The following CLCA2 variants were observed in gnomAD, a reference collection of about 807,000 sequenced individuals.
CLCA2 encodes the protein chloride channel accessory 2.
Under a neutral mutation model 82.9 loss-of-function variants are expected in CLCA2, and 85 were observed. That is an observed-to-expected ratio of 1.03 (90% CI 0.86 to 1.23). The LOEUF (loss-of-function observed/expected upper bound fraction) is 1.23. Ranked by LOEUF, CLCA2 falls within the 50% of genes most tolerant of loss-of-function variation. The probability of loss-of-function intolerance (pLI) is 0.00; values close to 1 mark genes in which losing one functional copy is unlikely to be tolerated. For synonymous variants in CLCA2, 421 were observed against 391.7 expected (o/e 1.07, Z -0.88); for missense variants, 1,089 against 1,124.8 (o/e 0.97, Z 0.45).
Position 86,440,330 on chromosome 1 carries a change from T to C in CLCA2, c.1381+5T>C. 6.2e-7 allele frequency: 1 copy of C among 1,610,368 alleles called. No homozygotes were observed. The highest frequency in any genetic ancestry group is 8.5e-7 in the Non-Finnish European group (1 of 1,178,424). ...AGGAATTATCACGTCTTACAGGTAATAAACTTTTAAAAACTTATCTTTTGG... is the reference window on the plus strand; with the variant it reads ...AGGAATTATCACGTCTTACAGGTAACAAACTTTTAAAAACTTATCTTTTGG... On this transcript the variant is annotated splice_donor_5th_base_variant and intron_variant, in intron 8 of 13. Coordinates refer to ENST00000370565, the MANE Select transcript of CLCA2 (RefSeq NM_006536.7).
At chr1:86,430,234 G>A (rs944753395) in intron 3 of CLCA2, among the ~76,000 whole-genome samples, 1 of 152,146 alleles carries the variant, frequency 6.6e-6, no homozygotes, top group Admixed American at 6.6e-5. Context: ...TCATGCAGAG[G>A]ATGGGGGTTT....
intron 9 of CLCA2, among the ~76,000 whole-genome samples, 171 bp downstream of exon 9, chr1:86,441,714 G>A (rs17129169): frequency 0.036 from 5,530 of 152,304 alleles, 165 homozygotes; most frequent in African/African-American, 0.074. Flanking sequence ...CAGGCTTTCA[G>A]CCCTAGGAGC....
Position 86,450,600 on chromosome 1 carries a change from G to A in CLCA2, c.2022G>A (p.Arg674=). The A allele has an allele frequency of 6.2e-7, 1 of 1,612,806 alleles. No homozygotes were observed. Among genetic ancestry groups the A allele is most frequent in the South Asian group, 1.1e-5 (1 of 90,796 alleles). ...DVIKNDGIYS[R]YFFSFAANGR... is the part of the protein sequence containing the mutation. ...TAAAAAATGATGGAATTTACTCGAG[G>A]TATTTTTTCTCCTTTGCTGCAAATG... The change falls in exon 12 of 14, where the codon AGG becomes AGA. Residue 674 remains arginine (R), a synonymous_variant. Coordinates refer to ENST00000370565, the MANE Select transcript of CLCA2 (RefSeq NM_006536.7).
At chr1:86,447,007 T>G (rs1388285580) in intron 10 of CLCA2, among the ~76,000 whole-genome samples, 6 of 152,334 alleles carry the variant, frequency 3.9e-5, no homozygotes, top group African/African-American at 1.4e-4. Flanking sequence ...TTGAGATTTC[T>G]GAGTGTGGAG....
At chr1:86,440,900 C>CA (rs1662717336) in intron 8 of CLCA2, among the ~76,000 whole-genome samples, 1 of 151,718 alleles carries the variant, frequency 6.6e-6, no homozygotes, top group East Asian at 1.9e-4. Flanking sequence ...GACCCCATCT[C>CA]AAAAAAGAAA....
chr1:86,437,441 G>T (rs1662636552), intron 6 of CLCA2, among the ~76,000 whole-genome samples: 1 of 152,140 alleles, frequency 6.6e-6, no homozygotes, highest in Admixed American at 6.5e-5. Context: ...GTCAAGGAAG[G>T]TTTCACTGAG....
chr1:86,427,122 G>A (rs1662401046), intron 2 of CLCA2, among the ~76,000 whole-genome samples: 1 of 152,108 alleles, frequency 6.6e-6, no homozygotes, highest in Non-Finnish European at 1.5e-5. Flanking sequence ...GTCCTTCCAA[G>A]TCTACAATGA....
chr1:86,440,397 A>G (rs1218126167), intron 8 of CLCA2, 72 bp downstream of exon 8: 3 of 1,276,150 alleles, frequency 2.4e-6, no homozygotes, highest in Non-Finnish European at 1.1e-6. Flanking sequence ...ACAACTATGA[A>G]ACTCATTATA....
At position 86,432,360 on chromosome 1, in the gene CLCA2, C is replaced by A; in HGVS notation, c.585-9C>A. ...AGACCTAATTCCCAGTTTCTCTTTC[C>A]ATTTTTAGGTGTTCATCTGACATCA... On this transcript the variant is annotated splice_polypyrimidine_tract_variant and intron_variant, in intron 4 of 13. Transcript: ENST00000370565. 6.2e-7 allele frequency: 1 copy of A among 1,610,884 alleles called. No individual in the cohort carries two copies. Among genetic ancestry groups the A allele is most frequent in the Non-Finnish European group, 8.5e-7 (1 of 1,179,286 alleles).
rs1176118613 is a variant in CLCA2, at chr1:86,430,914, G to A, written c.528G>A (p.Glu176=). The stretch of plus-strand genomic sequence containing the variant: ...ACCTCCGTTGGGGTGTGTTCGATGA[G>A]TATAACAATGACAAACCTTTCTACA... The part of the protein sequence containing the change: ...WAHLRWGVFD[E]YNNDKPFYIN... Residue 176 remains glutamate, a synonymous_variant, in exon 4 of 14, where the codon GAG becomes GAA. Transcript: ENST00000370565. 1 of 1,613,646 alleles carries A rather than the reference G, an allele frequency of 6.2e-7. No individual in the cohort carries two copies. The highest frequency in any genetic ancestry group is 8.5e-7 in the Non-Finnish European group (1 of 1,179,832).
Position 86,428,291 on chromosome 1 carries a change from T to C in CLCA2, c.325-127T>C, listed in dbSNP as rs907947725. Reference sequence around the variant, plus strand: ...TCTTCAATTTTGTTTTTAAATTGGGTTATAATTACATACAATAAAATGCAC... The same window carrying C: ...TCTTCAATTTTGTTTTTAAATTGGGCTATAATTACATACAATAAAATGCAC... On this transcript the variant is annotated intron_variant, in intron 2 of 13. Transcript: ENST00000370565. 3 of 853,690 alleles carry C rather than the reference T, an allele frequency of 3.5e-6. No homozygotes were observed. In the African/African-American group the frequency reaches 5.3e-5, roughly 15 times the overall value. 52.9% of individuals were successfully genotyped at this position (853,690 alleles called of 1,614,324 possible).
intron 1 of CLCA2, among the ~76,000 whole-genome samples, chr1:86,424,647 T>A (rs775954018): frequency 6.6e-6 from 1 of 152,150 alleles, no homozygotes; most frequent in Non-Finnish European, 1.5e-5. Context: ...GATCTAGCCC[T>A]CTATTTTGTT....
intron 2 of CLCA2, among the ~76,000 whole-genome samples, chr1:86,427,099 C>A (rs1488847275): frequency 6.6e-6 from 1 of 152,106 alleles, no homozygotes; most frequent in East Asian, 1.9e-4. Context: ...CAAGGACCAG[C>A]AAGGTAGTTC....
chr1:86,435,786 C>A (rs982589101), intron 6 of CLCA2, among the ~76,000 whole-genome samples: 1 of 151,946 alleles, frequency 6.6e-6, no homozygotes, highest in Admixed American at 6.6e-5. Flanking sequence ...TATATGTAAA[C>A]GAATATATGA....
intron 9 of CLCA2, among the ~76,000 whole-genome samples, chr1:86,442,926 A>G (rs538089999): frequency 8.1e-4 from 124 of 152,360 alleles, no homozygotes; most frequent in African/African-American, 3.0e-3. Flanking sequence ...ATAAGGATCA[A>G]GTGAGATTGT....
chr1:86,445,761 C>T (rs140904254), intron 10 of CLCA2, among the ~76,000 whole-genome samples: 2,416 of 152,036 alleles, frequency 0.016, 53 homozygotes, highest in African/African-American at 0.049. Flanking sequence ...CTAATACCAA[C>T]CATCTTTTAA....
At position 86,455,258 on chromosome 1, in the gene CLCA2, G is replaced by T. The variant is rs1307321430; in HGVS notation, c.2563G>T (p.Glu855Ter). The T allele has an allele frequency of 3.7e-6, 6 of 1,614,074 alleles. No individual in the cohort carries two copies. Among genetic ancestry groups the T allele is most frequent in the Non-Finnish European group, 5.1e-6 (6 of 1,179,998 alleles). Reference protein sequence around the residue: ...TNGPEHQPNGETHESHRIYVA... With the variant: ...TNGPEHQPNG ...TGGACCTGAACATCAGCCAAATGGA[G>T]AAACACATGAAAGCCACAGAATTTA... Residue 855 changes from glutamate (E) to a stop codon, truncating the protein, a stop_gained, in exon 14 of 14, where the codon GAA becomes TAA. Coordinates refer to ENST00000370565, the MANE Select transcript of CLCA2 (RefSeq NM_006536.7). LOFTEE classifies it low-confidence loss of function (END_TRUNC).
chr1:86,432,196 A>G (rs1410197292), intron 4 of CLCA2, among the ~76,000 whole-genome samples, 173 bp from the exon 5 acceptor site: 1 of 152,198 alleles, frequency 6.6e-6, no homozygotes, highest in African/African-American at 2.4e-5. Flanking sequence ...TCAGCCTCCC[A>G]AAGTAATGGG....
At chr1:86,440,628 C>T (rs537181759) in intron 8 of CLCA2, among the ~76,000 whole-genome samples, 1 of 152,198 alleles carries the variant, frequency 6.6e-6, no homozygotes, top group East Asian at 1.9e-4. Context: ...TGGGCGGGCG[C>T]GGTGGCTCAC....
Sources: allele counts gnomAD v4.1 joint callset (sites outside exome capture counted in the v4.1 genomes callset), GRCh38; gene constraint gnomAD v4.1.1; transcripts MANE v1.5; gene names NCBI Gene and HGNC (gene_info 2026-07-23, HGNC 2026-07-21).